Variants in TOP3A observed in about 807,000 individuals in gnomAD.
TOP3A encodes the protein DNA topoisomerase III alpha.
In TOP3A, 64 loss-of-function variants were observed where a neutral mutation model predicts 111.3. That is an observed-to-expected ratio of 0.57 (90% CI 0.47 to 0.71). The LOEUF is 0.71. Ranked by LOEUF, TOP3A falls within the 30% of genes least tolerant of loss-of-function variation. The pLI, the probability that TOP3A is intolerant of heterozygous loss-of-function variation, is 0.00. For missense variants in TOP3A, 1,104 were observed against 1,285.0 expected (o/e 0.86, Z 2.15); for synonymous variants, 484 against 485.1 (o/e 1.00, Z 0.03).
intron 10 of TOP3A, 123 bp from the exon 11 acceptor site, chr17:18,292,975 C>A: frequency 1.1e-6 from 1 of 920,964 alleles, no homozygotes; most frequent in East Asian, 2.7e-5. Flanking sequence ...CAACTGAAGG[C>A]AGCCTACATT....
At position 18,271,826 on chromosome 17, in the gene TOP3A, G is replaced by T. The variant is rs182713635; in HGVS notation, c.*2976C>A. Reference sequence around the variant, plus strand: ...CCTGTTAATCCTAGCACTTTGGGAGGCCGAGGCTGGTAGATCACCTGAGGT... The same window carrying T: ...CCTGTTAATCCTAGCACTTTGGGAGTCCGAGGCTGGTAGATCACCTGAGGT... On this transcript the variant is annotated 3_prime_UTR_variant, in exon 19 of 19. Coordinates refer to ENST00000321105, the MANE Select transcript of TOP3A (RefSeq NM_004618.5). 9.3e-5 allele frequency: 40 copies of T among 431,082 alleles called. No individual in the cohort carries two copies. Among genetic ancestry groups the T allele is most frequent in the Non-Finnish European group, 1.7e-4 (36 of 214,194 alleles). The allele number at this position is 431,082 out of a possible 1,614,324, so 26.7% of individuals were successfully genotyped here.
intron 18 of TOP3A, among the ~76,000 whole-genome samples, 160 bp downstream of exon 18, chr17:18,277,515 C>T (rs973475806): frequency 6.6e-6 from 1 of 152,226 alleles, no homozygotes; most frequent in Non-Finnish European, 1.5e-5. Flanking sequence ...TATCACCTTG[C>T]TGAAAGTGAT....
At position 18,314,910 on chromosome 17, in the gene TOP3A, G is replaced by T. The variant is rs1369052114; in HGVS notation, c.-132C>A. ...CGGTCACGTCCCCACCAGCCTGCTGGCCTTTGGAGCTTCAGTCACTGAGCC... is the reference window on the plus strand; with the variant it reads ...CGGTCACGTCCCCACCAGCCTGCTGTCCTTTGGAGCTTCAGTCACTGAGCC... On this transcript the variant is annotated 5_prime_UTR_variant, in exon 1 of 19. Coordinates refer to ENST00000321105, the MANE Select transcript of TOP3A (RefSeq NM_004618.5). 6 of 347,128 alleles carry T rather than the reference G, an allele frequency of 1.7e-5. No individual in the cohort carries two copies. The highest frequency in any genetic ancestry group is 2.5e-5 in the Non-Finnish European group (5 of 198,772). 21.5% of individuals were successfully genotyped at this position (347,128 alleles called of 1,614,324 possible). A position where few individuals can be genotyped will look rare whatever the true frequency, so the allele number is the denominator to read the frequency against.
rs115608026 is a variant in TOP3A at position 18,303,372 on chromosome 17, G to A, written c.500-649C>T. On this transcript the variant is annotated intron_variant, in intron 5 of 18. Transcript: ENST00000321105. ...GGAAAGACTTACAGCCCCCCAGCCCGACACTCGTAAAGGGTCAGTGCTGAG... is the reference window on the plus strand; with the variant it reads ...GGAAAGACTTACAGCCCCCCAGCCCAACACTCGTAAAGGGTCAGTGCTGAG... 5.3e-3 allele frequency among the ~76,000 whole-genome samples: 813 copies of A among 152,254 alleles called. 9 individuals carry two copies. Among genetic ancestry groups the A allele is most frequent in the African/African-American group, 0.018 (761 of 41,544 alleles).
chr17:18,302,064 T>C, intron 7 of TOP3A, 79 bp from the exon 8 acceptor site: 2 of 1,471,376 alleles, frequency 1.4e-6, no homozygotes, highest in Non-Finnish European at 1.9e-6. Context: ...AGGTTTATTG[T>C]GGTGAAAGTC....
Position 18,292,725 on chromosome 17 carries a change from C to A in TOP3A, c.1201G>T (p.Gly401Cys), listed in dbSNP as rs765361178. The A allele has an allele frequency of 1.2e-6, 2 of 1,611,520 alleles. No individual in the cohort carries two copies. Among genetic ancestry groups the A allele is most frequent in the Non-Finnish European group, 1.7e-6 (2 of 1,178,270 alleles). ...AFAQSILERG[G>C]PTPRNGNKSD... Reference sequence around the variant, plus strand: ...TTGTTCCCATTGCGTGGGGTGGGACCACCCCGCTCTAGAATGCTCTGGGCA... The same window carrying A: ...TTGTTCCCATTGCGTGGGGTGGGACAACCCCGCTCTAGAATGCTCTGGGCA... Residue 401 changes from glycine to cysteine, a missense_variant, in exon 11 of 19, where the codon GGT becomes TGT. Transcript: ENST00000321105.
intron 1 of TOP3A, among the ~76,000 whole-genome samples, chr17:18,309,334 CAT>C (rs981283246): frequency 9.9e-5 from 15 of 152,224 alleles, no homozygotes; most frequent in East Asian, 7.7e-4. Flanking sequence ...AGAGTTATCA[CAT>C]GTCACAGCAA....
In TOP3A at chr17:18,314,827, G is replaced by C. The variant is rs1022691688; in HGVS notation, c.-49C>G. 2.7e-6 allele frequency: 4 copies of C among 1,464,246 alleles called. No homozygotes were observed. Among genetic ancestry groups the C allele is most frequent in the East Asian group, 2.7e-5 (1 of 37,516 alleles). 90.7% of individuals were successfully genotyped at this position (1,464,246 alleles called of 1,614,324 possible). ...GCTCCCCGGCTGCCGGCGCATCCTG[G>C]GGAAGCCAGAGATGAGGCTCAAATG... On this transcript the variant is annotated 5_prime_UTR_variant, in exon 1 of 19. Coordinates refer to ENST00000321105, the MANE Select transcript of TOP3A (RefSeq NM_004618.5).
intron 4 of TOP3A, among the ~76,000 whole-genome samples, chr17:18,305,926 G>C (rs1981551575): frequency 6.6e-6 from 1 of 151,868 alleles, no homozygotes; most frequent in African/African-American, 2.4e-5. Context: ...AACTGGCCAG[G>C]CTCGGTGGCT....
At chr17:18,314,476 G>A in intron 1 of TOP3A, 123 bp downstream of exon 1, 2 of 1,122,564 alleles carry the variant, frequency 1.8e-6, no homozygotes, top group Non-Finnish European at 2.5e-6. Flanking sequence ...ATCCAGACGA[G>A]GGGCAGTGAG....
chr17:18,304,161 C>T (rs1981415717), intron 5 of TOP3A, among the ~76,000 whole-genome samples: 1 of 152,118 alleles, frequency 6.6e-6, no homozygotes, highest in Non-Finnish European at 1.5e-5. Flanking sequence ...GACAGGGTTT[C>T]ACCATGTTGA....
At chr17:18,312,137 A>G (rs1033484185) in intron 1 of TOP3A, 1 of 152,362 alleles carries the variant, frequency 6.6e-6, no homozygotes, top group African/African-American at 2.4e-5. Flanking sequence ...GGGATTGACC[A>G]GTTCACCCAG....
chr17:18,300,348 C>G (rs953698479), intron 8 of TOP3A, among the ~76,000 whole-genome samples: 1 of 150,228 alleles, frequency 6.7e-6, no homozygotes, highest in African/African-American at 2.5e-5. Context: ...GAGCTGAGAT[C>G]GTGCCATTGC....
chr17:18,295,341 T>TAGA (rs1980728265), intron 9 of TOP3A, among the ~76,000 whole-genome samples: 1 of 151,470 alleles, frequency 6.6e-6, no homozygotes, highest in Admixed American at 6.6e-5. Flanking sequence ...AGAGATGGGG[T>TAGA]TTTGCCATGC....
intron 16 of TOP3A, 98 bp from the exon 17 acceptor site, chr17:18,280,756 A>T (rs1979710107): frequency 1.4e-6 from 2 of 1,390,594 alleles, no homozygotes; most frequent in Admixed American, 1.9e-5. Flanking sequence ...GCCCGAGGAC[A>T]ACATTCCCTT....
At chr17:18,280,491 T>C in intron 17 of TOP3A, 45 bp downstream of exon 17, 1 of 1,599,704 alleles carries the variant, frequency 6.3e-7, no homozygotes, top group Non-Finnish European at 8.5e-7. Context: ...GGAAAGATGG[T>C]GTACACACTC....
intron 10 of TOP3A, among the ~76,000 whole-genome samples, chr17:18,293,700 A>G (rs1230682160): frequency 1.3e-5 from 2 of 151,098 alleles, no homozygotes; most frequent in Non-Finnish European, 3.0e-5. Flanking sequence ...GGGTTCAAGC[A>G]ATTCTCTTGC....
chr17:18,280,960 C>G (rs1422729492), intron 16 of TOP3A, among the ~76,000 whole-genome samples: 3 of 152,222 alleles, frequency 2.0e-5, no homozygotes, highest in Non-Finnish European at 4.4e-5. Context: ...CTGCCTCGTG[C>G]CAAGTCTGGG....
In TOP3A at chr17:18,301,870, A is replaced by G. The variant is rs1055633619; in HGVS notation, c.915+15T>C. Reference sequence around the variant, plus strand: ...AGGTGTGCAGAATGTTTCCTAGATCATTAGGGGTTCTTACCTCCACACACA... The same window carrying G: ...AGGTGTGCAGAATGTTTCCTAGATCGTTAGGGGTTCTTACCTCCACACACA... On this transcript the variant is annotated intron_variant, in intron 8 of 18. Coordinates refer to ENST00000321105, the MANE Select transcript of TOP3A (RefSeq NM_004618.5). The G allele has an allele frequency of 2.5e-6, 4 of 1,608,972 alleles. No individual in the cohort carries two copies. Among genetic ancestry groups the G allele is most frequent in the Non-Finnish European group, 3.4e-6 (4 of 1,175,560 alleles).
Sources: gnomAD v4.1 joint callset for allele counts (sites outside exome capture counted in the v4.1 genomes callset) on GRCh38, gnomAD v4.1.1 for gene constraint, MANE v1.5 for transcripts, NCBI Gene and HGNC (gene_info 2026-07-23, HGNC 2026-07-21) for gene names.